The following GORASP2 variants were observed in gnomAD, a reference collection of about 807,000 sequenced individuals.
GORASP2 encodes Golgi reassembly-stacking protein 2.
In GORASP2, 22 loss-of-function variants were observed where a neutral mutation model predicts 45.7. That is an observed-to-expected ratio of 0.48 (90% confidence interval 0.34 to 0.69). The LOEUF is 0.69. GORASP2 is among the 30% of genes least tolerant of loss of function. GORASP2 has a pLI of 0.01. For synonymous variants in GORASP2, 221 were observed against 215.6 expected, an observed-to-expected ratio of 1.02 and a Z score of -0.22; for missense variants, 491 against 562.7, an observed-to-expected ratio of 0.87 and a Z score of 1.29.
chr2:170,959,134 G>A (rs1390760843), intron 7 of GORASP2, among the ~76,000 whole-genome samples: 3 of 151,506 alleles, frequency 2.0e-5, no homozygotes, highest in Admixed American at 6.6e-5. Context: ...CTAATTGTTT[G>A]TATTTTTAGT....
Position 170,966,003 on chromosome 2 carries a change from C to T in GORASP2, c.1232C>T (p.Thr411Ile). ...TAKADAASSL[T>I]VDVTPPTAKA... ...AAGGCAGACGCTGCCTCCTCACTCA[C>T]TGTGGATGTGACGCCCCCCACTGCC... The change falls in exon 10 of 10, where the codon ACT (threonine) becomes ATT (isoleucine). Residue 411 changes from threonine (T) to isoleucine (I), a missense_variant. Physicochemically the swap from Thr to Ile is moderately conservative, Grantham distance 89 (BLOSUM62 -1). This residue lies in a region of GORASP2 where 297 missense variants were observed against 292.3 expected (regional missense o/e 1.02). Transcript: ENST00000234160. 3 of 1,614,014 alleles carry T rather than the reference C, an allele frequency of 1.9e-6. No homozygotes were observed. In the South Asian group the frequency reaches 3.3e-5, roughly 18 times the overall value.
chr2:170,951,415 G>A lies in GORASP2; in HGVS notation c.523G>A (p.Glu175Lys). 6.2e-7 allele frequency: 1 copy of A among 1,612,236 alleles called. No individual in the cohort carries two copies. The highest frequency in any genetic ancestry group is 8.5e-7 in the Non-Finnish European group (1 of 1,179,198). Reference sequence around the variant, plus strand: ...CAACACAGACACTGATAACTGTCGAGAAGTGATTATTACACCAAATTCTGC... The same window carrying A: ...CAACACAGACACTGATAACTGTCGAAAAGTGATTATTACACCAAATTCTGC... The part of the protein sequence containing the change: ...VYNTDTDNCR[E>K]VIITPNSAWG... Residue 175 changes from glutamate (E) to lysine (K), a missense_variant, in exon 5 of 10, where the codon GAA (glutamate) becomes AAA (lysine). Physicochemically the swap from Glu to Lys is moderately conservative, Grantham distance 56. Around this residue, in one of 2 missense-constraint regions of GORASP2, gnomAD observed 194 missense variants for 270.4 expected, o/e 0.72. Coordinates refer to ENST00000234160, the MANE Select transcript of GORASP2 (RefSeq NM_015530.5).
chr2:170,963,467 T>TCCC (rs1704616306), intron 9 of GORASP2, among the ~76,000 whole-genome samples: 7 of 95,104 alleles, frequency 7.4e-5, no homozygotes, highest in African/African-American at 1.8e-4. Flanking sequence ...CTCCTCCTCC[T>TCCC]CCTCCCCCTC....
At chr2:170,943,431 A>C (rs1704119819) in intron 1 of GORASP2, among the ~76,000 whole-genome samples, 1 of 152,202 alleles carries the variant, frequency 6.6e-6, no homozygotes, top group South Asian at 2.1e-4. Context: ...TTGGCCTTCT[A>C]TCATAGGCTT....
chr2:170,935,148 A>G (rs755707762), intron 1 of GORASP2, among the ~76,000 whole-genome samples: 5 of 152,256 alleles, frequency 3.3e-5, no homozygotes, highest in Admixed American at 6.5e-5. Flanking sequence ...GCCATGGAAT[A>G]CAATGTATAT....
Position 170,966,008 on chromosome 2 carries a change from G to T in GORASP2, c.1237G>T (p.Asp413Tyr). The T allele has an allele frequency of 1.1e-5, 17 of 1,613,960 alleles. No individual in the cohort carries two copies. Among genetic ancestry groups the T allele is most frequent in the Non-Finnish European group, 1.4e-5 (17 of 1,179,906 alleles). ...AGACGCTGCCTCCTCACTCACTGTG[G>T]ATGTGACGCCCCCCACTGCCAAGGC... ...KADAASSLTV[D>Y]VTPPTAKAPT... Residue 413 changes from aspartate to tyrosine, a missense_variant, in exon 10 of 10, where the codon GAT becomes TAT. Physicochemically the swap from Asp to Tyr is radical, Grantham distance 160. This residue lies in a region of GORASP2 where 297 missense variants were observed against 292.3 expected (regional missense o/e 1.02). Coordinates refer to ENST00000234160, the MANE Select transcript of GORASP2 (RefSeq NM_015530.5).
At chr2:170,965,220 T>C (rs1704657323) in intron 9 of GORASP2, among the ~76,000 whole-genome samples, 1 of 152,156 alleles carries the variant, frequency 6.6e-6, no homozygotes, top group African/African-American at 2.4e-5. Flanking sequence ...TGGCCTTGCA[T>C]TTTAAAATCA....
chr2:170,960,497 A>G (rs1218559444), intron 7 of GORASP2, among the ~76,000 whole-genome samples: 2 of 152,250 alleles, frequency 1.3e-5, no homozygotes, highest in East Asian at 1.9e-4. Flanking sequence ...GAATGTATCT[A>G]TCCTTTAAGA....
intron 6 of GORASP2, among the ~76,000 whole-genome samples, chr2:170,955,476 G>T (rs1352034048): frequency 2.6e-5 from 4 of 152,192 alleles, no homozygotes; most frequent in Admixed American, 2.6e-4. Context: ...TGTTTCTTAA[G>T]GAGGTATCTC....
chr2:170,930,516 A>G (rs1360959815), intron 1 of GORASP2, among the ~76,000 whole-genome samples: 2 of 152,178 alleles, frequency 1.3e-5, no homozygotes, highest in Non-Finnish European at 2.9e-5. Flanking sequence ...GGTGAGACAC[A>G]TTCTTAAATT....
chr2:170,963,450 GCTCCTCCTCCTC>G (rs564256437), intron 9 of GORASP2, among the ~76,000 whole-genome samples: 1 of 134,358 alleles, frequency 7.4e-6, no homozygotes, highest in Non-Finnish European at 1.5e-5. Context: ...TGCTGCTGCT[GCTCCTCCTCCTC>G]CTCCTCCTCC....
At chr2:170,957,369 C>T (rs947031930) in intron 7 of GORASP2, among the ~76,000 whole-genome samples, 16 of 152,126 alleles carry the variant, frequency 1.1e-4, no homozygotes, top group Non-Finnish European at 2.2e-4. Flanking sequence ...CTCTGCCTCC[C>T]GAGTTCAAGT....
In GORASP2 at chr2:170,940,463, A is replaced by G. The variant is rs1047357059; in HGVS notation, c.64-7887A>G. 2.6e-5 allele frequency among the ~76,000 whole-genome samples: 4 copies of G among 152,310 alleles called. No homozygotes were observed. The East Asian group carries it at 7.7e-4, about 29-fold the overall frequency. ...GAAAGAGGTAATGTGAAATGACCCA[A>G]ACCTAGCATAAGTAGTAGTAGTTGA... On this transcript the variant is annotated intron_variant, in intron 1 of 9. Transcript: ENST00000234160.
intron 1 of GORASP2, among the ~76,000 whole-genome samples, chr2:170,940,297 G>A (rs1013999195): frequency 1.3e-5 from 2 of 152,290 alleles, no homozygotes; most frequent in Non-Finnish European, 1.5e-5. Flanking sequence ...AAGGTAGAAG[G>A]TCTGTATACC....
intron 1 of GORASP2, among the ~76,000 whole-genome samples, chr2:170,943,341 T>C (rs1704117764): frequency 6.6e-6 from 1 of 152,230 alleles, no homozygotes; most frequent in Non-Finnish European, 1.5e-5. Flanking sequence ...AAAAATAATG[T>C]TGTGTCCAGG....
chr2:170,960,372 A>G (rs1704529140), intron 7 of GORASP2, among the ~76,000 whole-genome samples: 1 of 152,200 alleles, frequency 6.6e-6, no homozygotes, highest in African/African-American at 2.4e-5. Context: ...TGTTGTATAC[A>G]ATTTTAGGAG....
chr2:170,934,543 T>C (rs1057039754), intron 1 of GORASP2, among the ~76,000 whole-genome samples: 4 of 152,008 alleles, frequency 2.6e-5, no homozygotes, highest in African/African-American at 9.7e-5. Flanking sequence ...TTACAGGTGT[T>C]AGCCACCACG....
chr2:170,953,867 G>A (rs1052527485), intron 5 of GORASP2: 3 of 152,226 alleles, frequency 2.0e-5, no homozygotes, highest in African/African-American at 7.2e-5. Flanking sequence ...CCCAAGGTTT[G>A]CAGCCATGGG....
In GORASP2 at chr2:170,949,702, G is replaced by A. The variant is rs1192726582; in HGVS notation, c.308G>A (p.Cys103Tyr). Residue 103 changes from cysteine (C) to tyrosine (Y), a missense_variant, in exon 3 of 10, where the codon TGC becomes TAC. By Grantham distance (194) the Cys-to-Tyr change is radical. Coordinates refer to ENST00000234160, the MANE Select transcript of GORASP2 (RefSeq NM_015530.5). ...TTATTGGGAGTGAGCATTCGTTTCT[G>A]CAGCTTTGATGGGGCAAATGAAAAT... is the stretch of plus-strand genomic sequence containing the variant. ...QGLLGVSIRF[C>Y]SFDGANENVW... 6.2e-7 allele frequency: 1 copy of A among 1,614,080 alleles called. No individual in the cohort carries two copies. Among genetic ancestry groups the A allele is most frequent in the Non-Finnish European group, 8.5e-7 (1 of 1,179,922 alleles).
Sources: allele counts gnomAD v4.1 joint callset (sites outside exome capture counted in the v4.1 genomes callset), GRCh38; gene constraint gnomAD v4.1.1; regional missense constraint gnomAD v4.1.1; transcripts MANE v1.5; gene names NCBI Gene and HGNC (gene_info 2026-07-23, HGNC 2026-07-21).